ADGRV1: variants seen among roughly 807,000 people sequenced by gnomAD.
ADGRV1 encodes adhesion G protein-coupled receptor V1.
A neutral mutation model predicts 596.2 loss-of-function variants in ADGRV1; 359 were observed. The ratio of observed to expected loss-of-function variants is 0.60; its 90% confidence interval spans 0.55 to 0.66. The LOEUF (loss-of-function observed/expected upper bound fraction) is 0.66, where lower values mean the gene tolerates loss of function less well. Among genes scored for constraint, ADGRV1 ranks in the 30% least tolerant of loss-of-function variants. ADGRV1 has a pLI of 0.00. For synonymous variants in ADGRV1, 2,681 were observed against 2,679.2 expected (o/e 1.00, Z -0.02); for missense variants, 7,274 against 7,575.6 (o/e 0.96, Z 1.48).
At chr5:90,701,231 A>T (rs10514332) in intron 34 of ADGRV1, among the ~76,000 whole-genome samples, 9,140 of 152,160 alleles carry the variant, frequency 0.06, 367 homozygotes, top group South Asian at 0.13. Flanking sequence ...TCATCTAAAA[A>T]TAACATACTC....
chr5:90,959,120 C>T (rs895249044), intron 83 of ADGRV1, among the ~76,000 whole-genome samples: 2 of 151,950 alleles, frequency 1.3e-5, no homozygotes, highest in African/African-American at 2.4e-5. Context: ...CAAAACAGCT[C>T]CTCAAACTAA....
chr5:90,663,843 T>C (rs1770826864), intron 21 of ADGRV1, among the ~76,000 whole-genome samples: 2 of 152,044 alleles, frequency 1.3e-5, no homozygotes, highest in African/African-American at 4.8e-5. Flanking sequence ...CTAGCCAATT[T>C]TCCCAGCACC....
intron 89 of ADGRV1, 89 bp downstream of exon 89, chr5:91,153,487 A>G (rs763011245): frequency 2.3e-5 from 21 of 902,930 alleles, no homozygotes; most frequent in South Asian, 1.8e-4. Context: ...GCAAAGTACT[A>G]TCAGTCACCC....
intron 86 of ADGRV1, among the ~76,000 whole-genome samples, chr5:91,088,054 A>T (rs1381648228): frequency 6.6e-6 from 1 of 152,202 alleles, no homozygotes; most frequent in African/African-American, 2.4e-5. Flanking sequence ...AGCCTTCGAG[A>T]AGGCAAATAA....
At chr5:90,808,196 G>A (rs894171922) in intron 73 of ADGRV1, among the ~76,000 whole-genome samples, 2 of 152,134 alleles carry the variant, frequency 1.3e-5, no homozygotes, top group African/African-American at 4.8e-5. Context: ...TATAATGACT[G>A]TTTCTGCAAA....
intron 43 of ADGRV1, chr5:90,717,825 A>G (rs1055992784): frequency 9.9e-5 from 15 of 151,924 alleles, no homozygotes; most frequent in Non-Finnish European, 1.6e-4. Context: ...AATTTTTTGT[A>G]TTTTTAGTAA....
At chr5:90,922,897 T>C (rs1465412428) in intron 83 of ADGRV1, among the ~76,000 whole-genome samples, 1 of 152,232 alleles carries the variant, frequency 6.6e-6, no homozygotes, top group Non-Finnish European at 1.5e-5. Flanking sequence ...AAGTTTCTCA[T>C]GCAGAAACTG....
At chr5:90,888,671 A>C (rs1770524366) in intron 83 of ADGRV1, among the ~76,000 whole-genome samples, 1 of 152,044 alleles carries the variant, frequency 6.6e-6, no homozygotes, top group African/African-American at 2.4e-5. Context: ...AGTCAACTTT[A>C]TATTAGTTGC....
At chr5:90,827,596 C>T (rs182915433) in intron 76 of ADGRV1, among the ~76,000 whole-genome samples, 116 of 152,252 alleles carry the variant, frequency 7.6e-4, no homozygotes, top group African/African-American at 2.6e-3. Flanking sequence ...AATTCAAGCT[C>T]GCTTGGCCAT....
chr5:90,649,046 C>T (rs1319651390), intron 17 of ADGRV1, among the ~76,000 whole-genome samples: 6 of 152,158 alleles, frequency 3.9e-5, no homozygotes, highest in African/African-American at 7.2e-5. Flanking sequence ...ACTCTGTCAC[C>T]AGGCTGGAGT....
chr5:90,925,484 A>G (rs1424049511), intron 83 of ADGRV1, among the ~76,000 whole-genome samples: 1 of 152,192 alleles, frequency 6.6e-6, no homozygotes, highest in South Asian at 2.1e-4. Context: ...TTGATTTTGT[A>G]TCCTGAGAGT....
chr5:90,650,838 A>G (rs974395626), intron 17 of ADGRV1, among the ~76,000 whole-genome samples: 4 of 152,192 alleles, frequency 2.6e-5, no homozygotes, highest in African/African-American at 9.7e-5. Flanking sequence ...TGGGGATTCA[A>G]GGAAGAATTC....
intron 85 of ADGRV1, among the ~76,000 whole-genome samples, chr5:91,043,385 G>A (rs970872392): frequency 2.6e-5 from 4 of 152,044 alleles, no homozygotes; most frequent in Middle Eastern, 3.4e-3. Context: ...GATACTCTTC[G>A]GGGCTCTAGA....
At chr5:91,082,400 C>T (rs1206558192) in intron 86 of ADGRV1, among the ~76,000 whole-genome samples, 2 of 152,044 alleles carry the variant, frequency 1.3e-5, no homozygotes, top group African/African-American at 4.8e-5. Flanking sequence ...AATCATAGCT[C>T]CCTGCAGCTT....
At position 90,647,655 on chromosome 5, in the gene ADGRV1, G is replaced by A. The variant is rs201516498; in HGVS notation, c.3180G>A (p.Thr1060=). The stretch of plus-strand genomic sequence containing the variant: ...TCATTCCTGTTGAAAAAGGAGAAAC[G>A]CTCATTTTTGAGGTTGGAAGTAGAC... The part of the protein sequence containing the change: ...RDFIPVEKGE[T]LIFEVGSRQQ... The change falls in exon 17 of 90, where the codon ACG becomes ACA. Residue 1060 remains threonine (T), a synonymous_variant. Transcript: ENST00000405460. 8.1e-5 allele frequency: 130 copies of A among 1,613,888 alleles called. No individual in the cohort carries two copies. Among genetic ancestry groups the A allele is most frequent in the Non-Finnish European group, 1.0e-4 (119 of 1,179,838 alleles).
intron 50 of ADGRV1, among the ~76,000 whole-genome samples, chr5:90,742,613 G>T (rs915383809): frequency 7.2e-5 from 11 of 152,130 alleles, no homozygotes; most frequent in Non-Finnish European, 1.3e-4. Flanking sequence ...GAAAGAGAGA[G>T]CATGTGTGTG....
intron 35 of ADGRV1, among the ~76,000 whole-genome samples, chr5:90,704,123 G>A (rs952683580): frequency 6.6e-6 from 1 of 152,098 alleles, no homozygotes; most frequent in Non-Finnish European, 1.5e-5. Flanking sequence ...TGTGCTTTGA[G>A]ATTTCCAATA....
chr5:91,042,130 A>G (rs912233158), intron 85 of ADGRV1, among the ~76,000 whole-genome samples: 4 of 152,216 alleles, frequency 2.6e-5, no homozygotes, highest in Admixed American at 2.6e-4. Context: ...ATTCAGTTCA[A>G]AAATCTCCCC....
intron 87 of ADGRV1, among the ~76,000 whole-genome samples, chr5:91,118,829 G>A (rs894484474): frequency 3.9e-5 from 6 of 152,050 alleles, no homozygotes; most frequent in Non-Finnish European, 5.9e-5. Context: ...AATGGCACCA[G>A]TCAGGGGCCC....
Sources: allele counts gnomAD v4.1 joint callset (sites outside exome capture counted in the v4.1 genomes callset), GRCh38; gene constraint gnomAD v4.1.1; transcripts MANE v1.5; gene names NCBI Gene and HGNC (gene_info 2026-07-23, HGNC 2026-07-21).